The following MTUS2 variants were observed in gnomAD, a reference collection of about 807,000 sequenced individuals.
The protein encoded by MTUS2 is microtubule associated scaffold protein 2, also known as microtubule-associated tumor suppressor candidate 2.
In MTUS2, 40 loss-of-function variants were observed where a neutral mutation model predicts 114.1. That is an observed-to-expected ratio of 0.35 (90% confidence interval 0.27 to 0.46). The LOEUF (loss-of-function observed/expected upper bound fraction) is 0.46. Among genes scored for constraint, MTUS2 ranks in the 20% least tolerant of loss-of-function variants. The pLI is 1.00. For missense variants in MTUS2, 1,679 were observed against 1,705.4 expected (o/e 0.98, Z 0.27); for synonymous variants, 688 against 672.0 (o/e 1.02, Z -0.37).
At chr13:29,032,632 G>T (rs1032097003) in intron 3 of MTUS2, among the ~76,000 whole-genome samples, 6 of 152,174 alleles carry the variant, frequency 3.9e-5, no homozygotes, top group African/African-American at 1.4e-4. Flanking sequence ...TTTACAGTGT[G>T]ATTATGATAA....
At chr13:29,312,071 G>T (rs1329369972) in intron 6 of MTUS2, among the ~76,000 whole-genome samples, 1 of 152,126 alleles carries the variant, frequency 6.6e-6, no homozygotes, top group South Asian at 2.1e-4. Context: ...CCACTGCTCT[G>T]CAGCGCCCTT....
Position 29,505,656 on chromosome 13 carries a change from C to A in MTUS2, c.*2450C>A, listed in dbSNP as rs768492165. On this transcript the variant is annotated 3_prime_UTR_variant, in exon 16 of 16. Coordinates refer to ENST00000612955, the MANE Select transcript of MTUS2 (RefSeq NM_001033602.4). ...CTTCCAGGCTGGAGCGACGTTTCCACGTTCGGATGCTGCAGCCTCTGCACC... is the reference window on the plus strand; with the variant it reads ...CTTCCAGGCTGGAGCGACGTTTCCAAGTTCGGATGCTGCAGCCTCTGCACC... The A allele has an allele frequency of 4.3e-6, 1 of 230,568 alleles. No homozygotes were observed. The highest frequency in any genetic ancestry group is 5.6e-5 in the Admixed American group (1 of 17,714). 14.3% of individuals were successfully genotyped at this position (230,568 alleles called of 1,614,324 possible).
Position 29,087,888 on chromosome 13 carries a change from C to T in MTUS2, c.2447-12885C>T, listed in dbSNP as rs189539849. On this transcript the variant is annotated intron_variant, in intron 4 of 15. Coordinates refer to ENST00000612955, the MANE Select transcript of MTUS2 (RefSeq NM_001033602.4). ...CCTGGCTAACATGGTGAAACCCTGT[C>T]TTTTCTAAAAACACAAAAAAATTAG... Among the ~76,000 whole-genome samples, 141 of 152,114 alleles carry T rather than the reference C, an allele frequency of 9.3e-4. 1 individual carries two copies. Among genetic ancestry groups the T allele is most frequent in the African/African-American group, 3.2e-3 (132 of 41,500 alleles).
At chr13:29,462,460 A>C (rs1294740788) in intron 9 of MTUS2, among the ~76,000 whole-genome samples, 16 of 152,148 alleles carry the variant, frequency 1.1e-4, no homozygotes, top group Admixed American at 4.6e-4. Flanking sequence ...GAGAGAAAAC[A>C]GTTGGGGCCA....
At position 29,024,667 on chromosome 13, in the gene MTUS2, G is replaced by T. The variant is rs1167576006; in HGVS notation, c.-32G>T. 1.4e-5 allele frequency: 22 copies of T among 1,605,888 alleles called. 1 individual carries two copies. The Admixed American group carries it at 3.7e-4, about 27-fold the overall frequency. Reference sequence around the variant, plus strand: ...CAGCCCATTTCCATTAAGTAGGACTGCATGGCAAGCAGCCCCACCAAAGGG... The same window carrying T: ...CAGCCCATTTCCATTAAGTAGGACTTCATGGCAAGCAGCCCCACCAAAGGG... On this transcript the variant is annotated 5_prime_UTR_variant, in exon 3 of 16. Coordinates refer to ENST00000612955, the MANE Select transcript of MTUS2 (RefSeq NM_001033602.4).
chr13:29,080,301 G>GA (rs1014457505), intron 4 of MTUS2, among the ~76,000 whole-genome samples: 1 of 151,900 alleles, frequency 6.6e-6, no homozygotes, highest in Non-Finnish European at 1.5e-5. Flanking sequence ...TAATACAGAG[G>GA]AAAAAAACCC....
intron 4 of MTUS2, among the ~76,000 whole-genome samples, chr13:29,078,143 A>G (rs1009541793): frequency 1.3e-5 from 2 of 152,320 alleles, no homozygotes; most frequent in South Asian, 4.1e-4. Flanking sequence ...GATAAAAATG[A>G]AAGAAATGAG....
chr13:29,206,817 A>G (rs1294543428), intron 5 of MTUS2, among the ~76,000 whole-genome samples: 1 of 152,142 alleles, frequency 6.6e-6, no homozygotes, highest in African/African-American at 2.4e-5. Flanking sequence ...GTATCCTTAT[A>G]GTATAGTTTG....
intron 2 of MTUS2, among the ~76,000 whole-genome samples, chr13:28,951,823 C>G (rs1327319947): frequency 1.3e-5 from 2 of 151,850 alleles, no homozygotes; most frequent in African/African-American, 4.8e-5. Flanking sequence ...AATTTAAAGT[C>G]TTGCATTTTA....
chr13:29,210,850 T>A (rs1158597407), intron 5 of MTUS2, among the ~76,000 whole-genome samples: 5 of 33,146 alleles, frequency 1.5e-4, no homozygotes, highest in Non-Finnish European at 2.3e-4. Context: ...AAATGGACTC[T>A]GAGAGAGTCC....
chr13:28,889,462 A>G (rs1878787658), intron 2 of MTUS2, among the ~76,000 whole-genome samples: 1 of 152,132 alleles, frequency 6.6e-6, no homozygotes. Flanking sequence ...TCATTAGGTA[A>G]TAACTCTCTG....
chr13:29,019,177 T>C (rs1462696328), intron 2 of MTUS2, among the ~76,000 whole-genome samples: 1 of 152,168 alleles, frequency 6.6e-6, no homozygotes, highest in Non-Finnish European at 1.5e-5. Flanking sequence ...GAGTTTCTTA[T>C]GATGCTCTCG....
At chr13:29,326,842 T>C (rs35590388) in intron 7 of MTUS2, among the ~76,000 whole-genome samples, 27,401 of 151,914 alleles carry the variant, frequency 0.18, 2,597 homozygotes, top group Middle Eastern at 0.22. Context: ...TAGCCAGGTG[T>C]GGTGGTGCGT....
At chr13:28,820,961 T>G (rs1364234103) in intron 1 of MTUS2, among the ~76,000 whole-genome samples, 2 of 152,194 alleles carry the variant, frequency 1.3e-5, no homozygotes, top group African/African-American at 4.8e-5. Context: ...TGTTATTTCC[T>G]TCAAGCTTTA....
intron 7 of MTUS2, among the ~76,000 whole-genome samples, chr13:29,340,190 GGGGGACGA>G (rs1358629950): frequency 6.6e-6 from 1 of 152,192 alleles, no homozygotes; most frequent in Admixed American, 6.5e-5. Context: ...CAGATGATCT[GGGGGACGA>G]GGGAAGCTCA....
intron 5 of MTUS2, among the ~76,000 whole-genome samples, chr13:29,276,853 G>A (rs903233051): frequency 5.3e-5 from 8 of 152,008 alleles, no homozygotes; most frequent in Non-Finnish European, 7.4e-5. Context: ...AGTCGAGACC[G>A]TGCCACTGCA....
Position 29,100,918 on chromosome 13 carries a change from C to T in MTUS2, c.2592C>T (p.Ser864=), listed in dbSNP as rs958800712. 5 of 1,577,020 alleles carry T rather than the reference C, an allele frequency of 3.2e-6. No individual in the cohort carries two copies. Among genetic ancestry groups the T allele is most frequent in the Non-Finnish European group, 4.3e-6 (5 of 1,161,070 alleles). The change falls in exon 5 of 16, where the codon TCC becomes TCT. Residue 864 remains serine, a synonymous_variant. Coordinates refer to ENST00000612955, the MANE Select transcript of MTUS2 (RefSeq NM_001033602.4). ...FVRSSSVSSV[S]STQSGDSAQP... is the part of the protein sequence containing the mutation. ...GGAGCTCCAGCGTCTCCTCAGTCTC[C>T]AGCACCCAGTCCGGGGACAGTGCAC...
intron 5 of MTUS2, among the ~76,000 whole-genome samples, chr13:29,233,233 GA>G (rs5802513): frequency 1.4e-4 from 20 of 147,700 alleles, no homozygotes; most frequent in Non-Finnish European, 1.6e-4. Flanking sequence ...CATTTTTTAA[GA>G]AAAAAAAAAA....
chr13:28,943,192 A>G (rs1882339894), intron 2 of MTUS2, among the ~76,000 whole-genome samples: 1 of 152,132 alleles, frequency 6.6e-6, no homozygotes, highest in Non-Finnish European at 1.5e-5. Flanking sequence ...CTTATTTCAT[A>G]TTGCTATTTT....
Sources: allele counts gnomAD v4.1 joint callset (sites outside exome capture counted in the v4.1 genomes callset), GRCh38; gene constraint gnomAD v4.1.1; transcripts MANE v1.5; gene names NCBI Gene and HGNC (gene_info 2026-07-23, HGNC 2026-07-21).